The following MBNL3 variants were observed in gnomAD, a reference collection of about 807,000 sequenced individuals.
MBNL3 encodes muscleblind like splicing regulator 3.
MBNL3 carries 6 observed loss-of-function variants against 24.5 expected under a neutral mutation model. That is an observed-to-expected ratio of 0.25 (90% CI 0.13 to 0.48). MBNL3 has a LOEUF of 0.48. Ranked by LOEUF, MBNL3 falls within the 20% of genes least tolerant of loss-of-function variation. The probability of loss-of-function intolerance (pLI) is 0.99; values close to 1 mark genes in which losing one functional copy is unlikely to be tolerated. For synonymous variants in MBNL3, 100 were observed against 101.7 expected, an observed-to-expected ratio of 0.98 and a Z score of 0.10; for missense variants, 230 against 293.5, an observed-to-expected ratio of 0.78 and a Z score of 1.58.
At chrX:132,451,340 G>C (rs1028870502) in intron 1 of MBNL3, among the ~76,000 whole-genome samples, 4 of 112,395 alleles carry the variant, frequency 3.6e-5, no homozygotes, top group Admixed American at 1.9e-4. Context: ...GACTGGGGCT[G>C]CTGCCTTTCT....
chrX:132,475,436 G>T (rs1250315347), intron 1 of MBNL3, among the ~76,000 whole-genome samples: 1 of 111,936 alleles, frequency 8.9e-6, no homozygotes, highest in Non-Finnish European at 1.9e-5. Flanking sequence ...TGTGTGTTGG[G>T]GGGTGTGTTT....
intron 2 of MBNL3, among the ~76,000 whole-genome samples, chrX:132,428,747 A>G (rs1350768362): frequency 8.9e-6 from 1 of 111,921 alleles, no homozygotes; most frequent in Middle Eastern, 4.2e-3. Flanking sequence ...TAAGTAAACA[A>G]TGTTCTATGA....
Position 132,410,265 on chromosome X carries a change from G to T in MBNL3, c.178-3873C>A, listed in dbSNP as rs187681933. Among the ~76,000 whole-genome samples the T allele has an allele frequency of 2.1e-4, 24 of 112,012 alleles. No individual in the cohort carries two copies. The Admixed American group carries it at 2.3e-3, about 11-fold the overall frequency. ...GAGATTCAAATCCCACCTATGTCTA[G>T]AGAGTTATGAGAGTCAGAGTCTGTC... On this transcript the variant is annotated intron_variant, in intron 2 of 8. Transcript: ENST00000370853.
chrX:132,476,520 T>C lies in MBNL3; in HGVS notation c.-704+12331A>G, dbSNP rs1169346022. Reference sequence around the variant, plus strand: ...CTCCTTCCTTTCTCCTCCTCCATTCTACAAGAAAGTTTGCCTTGACAGTCT... The same window carrying C: ...CTCCTTCCTTTCTCCTCCTCCATTCCACAAGAAAGTTTGCCTTGACAGTCT... On this transcript the variant is annotated intron_variant, in intron 1 of 8. Transcript: ENST00000370853. Among the ~76,000 whole-genome samples, 16 of 112,291 alleles carry C rather than the reference T, an allele frequency of 1.4e-4. No individual in the cohort carries two copies. The Admixed American group carries it at 1.5e-3, about 11-fold the overall frequency.
At chrX:132,447,126 T>A (rs1945768731) in intron 1 of MBNL3, among the ~76,000 whole-genome samples, 1 of 111,945 alleles carries the variant, frequency 8.9e-6, no homozygotes, top group Admixed American at 9.5e-5. Flanking sequence ...TTTGTTTTGG[T>A]ACCAGTACCA....
At chrX:132,448,786 A>C (rs776726684) in intron 1 of MBNL3, among the ~76,000 whole-genome samples, 2 of 111,878 alleles carry the variant, frequency 1.8e-5, no homozygotes, top group East Asian at 2.8e-4. Flanking sequence ...TAGTGCTATA[A>C]ATTTCCCTCT....
At chrX:132,439,077 T>G (rs753119170) in intron 2 of MBNL3, among the ~76,000 whole-genome samples, 1 of 110,511 alleles carries the variant, frequency 9.0e-6, no homozygotes, top group African/African-American at 3.3e-5. Flanking sequence ...TTATGATCAC[T>G]GTAACATCTA....
intron 2 of MBNL3, chrX:132,437,958 A>C: frequency 7.1e-6 from 4 of 562,429 alleles, no homozygotes; most frequent in Non-Finnish European, 8.6e-6. Context: ...AAAAAAAAAC[A>C]AAAAACAAAA....
intron 3 of MBNL3, among the ~76,000 whole-genome samples, chrX:132,405,210 G>C (rs772609028): frequency 2.7e-5 from 3 of 111,794 alleles, no homozygotes; most frequent in Non-Finnish European, 5.6e-5. Flanking sequence ...TTTCTGCATA[G>C]GGAAACCCTG....
chrX:132,413,517 G>C, intron 2 of MBNL3: 1 of 1,164,443 alleles, frequency 8.6e-7, no homozygotes, highest in African/African-American at 1.8e-5. Context: ...CATGGAATCA[G>C]CCCAGGCTCT....
At chrX:132,482,885 G>A (rs1947813700) in intron 1 of MBNL3, among the ~76,000 whole-genome samples, 1 of 111,601 alleles carries the variant, frequency 9.0e-6, no homozygotes, top group African/African-American at 3.3e-5. Flanking sequence ...AGCTGAGGCC[G>A]CTGCTATAGG....
At chrX:132,414,146 G>A (rs780268155) in intron 2 of MBNL3, among the ~76,000 whole-genome samples, 1 of 112,303 alleles carries the variant, frequency 8.9e-6, no homozygotes, top group East Asian at 2.8e-4. Flanking sequence ...AGAGCACAAA[G>A]TAGAGAGGTA....
At chrX:132,390,337 G>C (rs1184959852) in intron 5 of MBNL3, among the ~76,000 whole-genome samples, 3 of 93,042 alleles carry the variant, frequency 3.2e-5, no homozygotes, top group Non-Finnish European at 6.2e-5. Context: ...TTTCCCCCCA[G>C]ACTAAGCAGG....
chrX:132,377,818 T>C lies in MBNL3; in HGVS notation c.*1848A>G, dbSNP rs1934276692. 9.1e-6 allele frequency: 1 copy of C among 109,850 alleles called. No homozygotes were observed. Among genetic ancestry groups the C allele is most frequent in the Non-Finnish European group, 1.9e-5 (1 of 52,684 alleles). The allele number at this position is 109,850 out of a possible 1,213,427, so 9.1% of individuals were successfully genotyped here. A position where few individuals can be genotyped will look rare whatever the true frequency, so the allele number is the denominator to read the frequency against. ...AAGGAGAAAAACCATTATATATATA[T>C]ATATATATGTATATGATGGTTTTAT... On this transcript the variant is annotated 3_prime_UTR_variant, in exon 9 of 9. Transcript: ENST00000370853.
rs765479204 is a variant in MBNL3, at chrX:132,476,505, T to C, written c.-704+12346A>G. ...CATGCAGCTCTTTCTCTCCTTCCTT[T>C]CTCCTCCTCCATTCTACAAGAAAGT... On this transcript the variant is annotated intron_variant, in intron 1 of 8. Coordinates refer to ENST00000370853, the MANE Select transcript of MBNL3 (RefSeq NM_001386889.1). Among the ~76,000 whole-genome samples the C allele has an allele frequency of 3.6e-5, 4 of 111,966 alleles. No homozygotes were observed. In the South Asian group the frequency reaches 1.1e-3, roughly 31 times the overall value.
chrX:132,466,105 CA>C (rs1946868550), intron 1 of MBNL3, among the ~76,000 whole-genome samples: 1 of 112,120 alleles, frequency 8.9e-6, no homozygotes, highest in Non-Finnish European at 1.9e-5. Flanking sequence ...TTTCAAAAAA[CA>C]AAACCCTTAT....
chrX:132,385,889 C>CAA (rs58477339), intron 6 of MBNL3, among the ~76,000 whole-genome samples: 3 of 90,735 alleles, frequency 3.3e-5, no homozygotes, highest in African/African-American at 1.2e-4. Context: ...ACCATTGTGT[C>CAA]AAAAAAAAAA....
intron 2 of MBNL3, among the ~76,000 whole-genome samples, chrX:132,422,005 C>A (rs758566397): frequency 5.4e-5 from 6 of 111,173 alleles, no homozygotes; most frequent in Non-Finnish European, 1.1e-4. Flanking sequence ...AATTGAATCT[C>A]ATTAGAAAAC....
intron 5 of MBNL3, among the ~76,000 whole-genome samples, chrX:132,389,073 T>C (rs1232138146): frequency 8.9e-6 from 1 of 112,151 alleles, no homozygotes; most frequent in Non-Finnish European, 1.9e-5. Context: ...ATGCATTCTA[T>C]CAAACACACT....
Sources: gnomAD v4.1 joint callset for allele counts (sites outside exome capture counted in the v4.1 genomes callset) on GRCh38, gnomAD v4.1.1 for gene constraint, MANE v1.5 for transcripts, NCBI Gene and HGNC (gene_info 2026-07-23, HGNC 2026-07-21) for gene names.